Variants in MEGF9 observed in about 807,000 individuals in gnomAD.
MEGF9 encodes multiple EGF like domains 9.
MEGF9 carries 6 observed loss-of-function variants against 46.8 expected under a neutral mutation model. That is an observed-to-expected ratio of 0.13 (90% CI 0.07 to 0.25). The LOEUF is 0.25. MEGF9 is among the 10% of genes least tolerant of loss of function. The pLI is 1.00. For synonymous variants in MEGF9, 302 were observed against 330.7 expected (o/e 0.91, Z 0.94); for missense variants, 683 against 792.4 (o/e 0.86, Z 1.66).
intron 1 of MEGF9, among the ~76,000 whole-genome samples, chr9:120,700,136 C>T (rs1376101145): frequency 6.6e-6 from 1 of 152,100 alleles, no homozygotes; most frequent in Non-Finnish European, 1.5e-5. Flanking sequence ...TCTCAAAAAC[C>T]TTTGGTGACT....
intron 2 of MEGF9, among the ~76,000 whole-genome samples, chr9:120,637,790 C>CCA (rs2043584889): frequency 2.9e-5 from 1 of 34,776 alleles, no homozygotes; most frequent in Admixed American, 4.8e-4. Context: ...GACTCTGTCT[C>CCA]AAAAAAAAAA....
Position 120,714,165 on chromosome 9 carries a change from T to A in MEGF9, c.194A>T (p.His65Leu). ...PGPGLRGEPSHPFPRATAPTA... is the reference protein window; with the variant it reads ...PGPGLRGEPSLPFPRATAPTA... The stretch of plus-strand genomic sequence containing the variant: ...GGGAGCCGTCGCCCTAGGGAAGGGG[T>A]GGCTGGGCTCGCCCCGCAACCCGGG... The change falls in exon 1 of 6, where the codon CAC becomes CTC. Residue 65 changes from histidine (H) to leucine (L), a missense_variant. Transcript: ENST00000373930. 8.1e-7 allele frequency: 1 copy of A among 1,235,014 alleles called. No individual in the cohort carries two copies. Among genetic ancestry groups the A allele is most frequent in the Non-Finnish European group, 1.0e-6 (1 of 990,592 alleles). The allele number at this position is 1,235,014 out of a possible 1,614,324, so 76.5% of individuals were successfully genotyped here. A position where few individuals can be genotyped will look rare whatever the true frequency, so the allele number is the denominator to read the frequency against.
At chr9:120,704,104 C>A (rs10984986) in intron 1 of MEGF9, among the ~76,000 whole-genome samples, 1 of 152,136 alleles carries the variant, frequency 6.6e-6, no homozygotes, top group Non-Finnish European at 1.5e-5. Context: ...GAGGCCAAGG[C>A]GGGCGGATCA....
At chr9:120,627,868 G>A (rs2043532354) in intron 2 of MEGF9, among the ~76,000 whole-genome samples, 1 of 152,072 alleles carries the variant, frequency 6.6e-6, no homozygotes, top group East Asian at 1.9e-4. Context: ...ACTCTGACAT[G>A]AAGACAATAA....
intron 2 of MEGF9, among the ~76,000 whole-genome samples, chr9:120,629,743 G>A (rs2043542372): frequency 6.6e-6 from 1 of 152,006 alleles, no homozygotes; most frequent in African/African-American, 2.4e-5. Flanking sequence ...AGACCATCCT[G>A]GACAATATGG....
intron 1 of MEGF9, among the ~76,000 whole-genome samples, chr9:120,701,783 G>A (rs1467554910): frequency 6.6e-6 from 1 of 152,172 alleles, no homozygotes; most frequent in Non-Finnish European, 1.5e-5. Flanking sequence ...AGTGGCTCAC[G>A]CCTGTAATCC....
Position 120,603,092 on chromosome 9 carries a change from G to A in MEGF9, c.*2098C>T, listed in dbSNP as rs1173689132. ...TCCTCCCAGCTTTCTTGTGTCCATG[G>A]CTAGGCAATTTCTGCATATAGTTGA... On this transcript the variant is annotated 3_prime_UTR_variant, in exon 6 of 6. Transcript: ENST00000373930. 6.6e-6 allele frequency: 1 copy of A among 152,130 alleles called. No individual in the cohort carries two copies. The highest frequency in any genetic ancestry group is 1.5e-5 in the Non-Finnish European group (1 of 68,046). The allele number at this position is 152,130 out of a possible 1,614,324, so 9.4% of individuals were successfully genotyped here.
At chr9:120,696,827 A>T (rs1301534757) in intron 1 of MEGF9, among the ~76,000 whole-genome samples, 2 of 152,196 alleles carry the variant, frequency 1.3e-5, no homozygotes, top group Non-Finnish European at 2.9e-5. Flanking sequence ...GTTTTACTTT[A>T]TATATGTATT....
intron 2 of MEGF9, among the ~76,000 whole-genome samples, chr9:120,648,733 G>A (rs74801183): frequency 0.016 from 2,487 of 152,274 alleles, 58 homozygotes; most frequent in African/African-American, 0.056. Flanking sequence ...TCTTCCAGAA[G>A]TATAGGCAAA....
chr9:120,675,278 G>A (rs2043767631), intron 1 of MEGF9, among the ~76,000 whole-genome samples: 1 of 152,130 alleles, frequency 6.6e-6, no homozygotes, highest in South Asian at 2.1e-4. Context: ...CAGAATCTAT[G>A]TCTGATCTAT....
chr9:120,629,712 C>A (rs771430671), intron 2 of MEGF9, among the ~76,000 whole-genome samples: 1 of 151,872 alleles, frequency 6.6e-6, no homozygotes, highest in South Asian at 2.1e-4. Context: ...GGAGGATGGA[C>A]CACCTGAGGT....
intron 2 of MEGF9, among the ~76,000 whole-genome samples, chr9:120,656,159 T>C (rs2043675774): frequency 6.6e-6 from 1 of 152,212 alleles, no homozygotes; most frequent in Non-Finnish European, 1.5e-5. Context: ...CTTTAGTATA[T>C]AAAATTAGTC....
At chr9:120,705,271 T>C (rs533356243) in intron 1 of MEGF9, among the ~76,000 whole-genome samples, 44 of 152,152 alleles carry the variant, frequency 2.9e-4, no homozygotes, top group Admixed American at 3.9e-4. Flanking sequence ...ACAGATTTTG[T>C]TCTCAGTGCA....
Position 120,713,999 on chromosome 9 carries a change from G to A in MEGF9, c.360C>T (p.Leu120=), listed in dbSNP as rs750442355. The A allele has an allele frequency of 3.6e-6, 5 of 1,386,256 alleles. No homozygotes were observed. Among genetic ancestry groups the A allele is most frequent in the Non-Finnish European group, 3.8e-6 (4 of 1,065,240 alleles). 85.9% of individuals were successfully genotyped at this position (1,386,256 alleles called of 1,614,324 possible). ...GPSSTTFQAP[L]GPSPTTPPAA... is the part of the protein sequence containing the mutation. ...CCGGAGGGGTGGTCGGCGAGGGGCCGAGCGGCGCCTGAAAGGTGGTGGAAG... is the reference window on the plus strand; with the variant it reads ...CCGGAGGGGTGGTCGGCGAGGGGCCAAGCGGCGCCTGAAAGGTGGTGGAAG... The change falls in exon 1 of 6, where the codon CTC becomes CTT. Residue 120 remains leucine, a synonymous_variant. Transcript: ENST00000373930.
chr9:120,637,415 T>A (rs1489171107), intron 2 of MEGF9, among the ~76,000 whole-genome samples: 1 of 148,628 alleles, frequency 6.7e-6, no homozygotes, highest in Non-Finnish European at 1.5e-5. Context: ...CCAAGAATGA[T>A]CAATAAATAC....
At position 120,659,569 on chromosome 9, in the gene MEGF9, A is replaced by T. The variant is rs1373195285; in HGVS notation, c.608T>A (p.Val203Glu). ...EAPSSPPPEY[V>E]CNCSVVGSLN... ...GCTTCCAACCACAGAGCAGTTACATACATACTCTGCAAAGGAAAGAAGGAA... is the reference window on the plus strand; with the variant it reads ...GCTTCCAACCACAGAGCAGTTACATTCATACTCTGCAAAGGAAAGAAGGAA... The change falls in exon 2 of 6, where the codon GTA (valine) becomes GAA (glutamate). Residue 203 changes from valine to glutamate, a missense_variant. Val to Glu is a moderately radical substitution (Grantham distance 121). Transcript: ENST00000373930. 6.2e-7 allele frequency: 1 copy of T among 1,609,270 alleles called. No homozygotes were observed. Among genetic ancestry groups the T allele is most frequent in the East Asian group, 2.2e-5 (1 of 44,740 alleles).
intron 2 of MEGF9, among the ~76,000 whole-genome samples, chr9:120,652,759 C>A (rs1452197295): frequency 1.3e-5 from 2 of 151,784 alleles, no homozygotes; most frequent in Non-Finnish European, 2.9e-5. Flanking sequence ...GGAAACATTC[C>A]AAATCTACTC....
chr9:120,648,905 T>C (rs758679179), intron 2 of MEGF9, among the ~76,000 whole-genome samples: 1 of 152,198 alleles, frequency 6.6e-6, no homozygotes, highest in Admixed American at 6.5e-5. Context: ...CCTTTTAACC[T>C]GAGGCACATT....
chr9:120,686,294 G>T (rs1158411956), intron 1 of MEGF9, among the ~76,000 whole-genome samples: 1 of 152,068 alleles, frequency 6.6e-6, no homozygotes, highest in Non-Finnish European at 1.5e-5. Flanking sequence ...GTTTCACTGT[G>T]GTCTCAATCT....
Sources: gnomAD v4.1 joint callset for allele counts (sites outside exome capture counted in the v4.1 genomes callset) on GRCh38, gnomAD v4.1.1 for gene constraint, MANE v1.5 for transcripts, NCBI Gene and HGNC (gene_info 2026-07-23, HGNC 2026-07-21) for gene names.